ANKS1B: variants seen among roughly 807,000 people sequenced by gnomAD.
ANKS1B encodes ankyrin repeat and sterile alpha motif domain containing 1B, also known as ankyrin repeat and sterile alpha motif domain-containing protein 1B.
In ANKS1B, 36 loss-of-function variants were observed where a neutral mutation model predicts 148.3. That is an observed-to-expected ratio of 0.24 (90% confidence interval 0.19 to 0.32). ANKS1B has a LOEUF of 0.32. Ranked by LOEUF, ANKS1B falls within the 10% of genes least tolerant of loss-of-function variation. ANKS1B has a pLI of 1.00. For missense variants in ANKS1B, 1,157 were observed against 1,542.6 expected (o/e 0.75, Z 4.19); for synonymous variants, 542 against 560.8 (o/e 0.97, Z 0.47).
chr12:99,558,435 G>C (rs543129630), intron 9 of ANKS1B, among the ~76,000 whole-genome samples: 7 of 152,234 alleles, frequency 4.6e-5, no homozygotes, highest in African/African-American at 1.7e-4. Flanking sequence ...ACATGCACCA[G>C]TAAAGCAATG....
intron 12 of ANKS1B, among the ~76,000 whole-genome samples, chr12:99,272,181 A>G (rs2077121194): frequency 6.6e-6 from 1 of 152,112 alleles, no homozygotes; most frequent in Non-Finnish European, 1.5e-5. Flanking sequence ...TTCCAGTATG[A>G]TATTATTATG....
chr12:99,175,226 T>C (rs1352908558), intron 14 of ANKS1B, among the ~76,000 whole-genome samples: 1 of 152,210 alleles, frequency 6.6e-6, no homozygotes. Flanking sequence ...AATAACATCT[T>C]TAAGTTTCCA....
chr12:99,367,002 G>T (rs1288365128), intron 12 of ANKS1B, among the ~76,000 whole-genome samples: 2 of 152,116 alleles, frequency 1.3e-5, no homozygotes, highest in Non-Finnish European at 1.5e-5. Context: ...ATAATTCTTT[G>T]TTATGGGGGC....
chr12:98,766,561 C>A (rs2098483459), intron 25 of ANKS1B, among the ~76,000 whole-genome samples: 2 of 152,128 alleles, frequency 1.3e-5, no homozygotes, highest in Admixed American at 1.3e-4. Flanking sequence ...GTATCACAGT[C>A]AAATAGGTTG....
In ANKS1B at chr12:98,862,527, C is replaced by T. The variant is rs148336823; in HGVS notation, c.2779-30391G>A. On this transcript the variant is annotated intron_variant, in intron 17 of 26. Coordinates refer to ENST00000683438, the MANE Select transcript of ANKS1B (RefSeq NM_001352186.2). ...ATGTAATTGTTACTTACATGAGTAG[C>T]GGGGTCTCAGCTTCCCAACACACCA... is the stretch of plus-strand genomic sequence containing the variant. Among the ~76,000 whole-genome samples, 1,384 of 152,134 alleles carry T rather than the reference C, an allele frequency of 9.1e-3. 11 individuals carry two copies. Among genetic ancestry groups the T allele is most frequent in the Middle Eastern group, 0.014 (4 of 294 alleles).
intron 1 of ANKS1B, among the ~76,000 whole-genome samples, chr12:99,956,121 T>C (rs1368134216): frequency 1.3e-5 from 2 of 151,388 alleles, no homozygotes; most frequent in African/African-American, 2.4e-5. Context: ...CTACTAAAAA[T>C]ACAAAAATTG....
At chr12:99,060,653 TCACACACACACACACACACACACACA>T (rs35515489) in intron 16 of ANKS1B, among the ~76,000 whole-genome samples, 9 of 126,100 alleles carry the variant, frequency 7.1e-5, no homozygotes, top group South Asian at 2.8e-4. Context: ...TATATACACA[TCACACACACACACACACACACACACA>T]CACACACACA....
intron 8 of ANKS1B, among the ~76,000 whole-genome samples, chr12:99,759,595 G>A (rs1472376820): frequency 6.6e-6 from 1 of 151,954 alleles, no homozygotes; most frequent in African/African-American, 2.4e-5. Context: ...TCAGGCTCTC[G>A]CCTGATTTCC....
chr12:98,936,484 G>A (rs191909774), intron 17 of ANKS1B, among the ~76,000 whole-genome samples: 6 of 152,090 alleles, frequency 3.9e-5, no homozygotes, highest in African/African-American at 7.2e-5. Context: ...AAAATTAGCC[G>A]GGCGTGGTGG....
chr12:99,633,221 G>A (rs997825182), intron 9 of ANKS1B, among the ~76,000 whole-genome samples: 6 of 151,850 alleles, frequency 4.0e-5, no homozygotes, highest in Non-Finnish European at 7.4e-5. Flanking sequence ...ATAAACATAC[G>A]TGTGCATGTG....
chr12:98,735,013 T>A (rs1363673084), exon 10 of ANKS1B: 1 of 389,606 alleles, frequency 2.6e-6, no homozygotes, highest in African/African-American at 2.1e-5. Flanking sequence ...CTTGGGAGGC[T>A]AAGACAGGAG....
At chr12:98,786,195 T>C (rs1044731408) in intron 22 of ANKS1B, among the ~76,000 whole-genome samples, 5 of 152,230 alleles carry the variant, frequency 3.3e-5, no homozygotes, top group Admixed American at 2.0e-4. Flanking sequence ...AAGAGGATCA[T>C]ACTTTTATTT....
Position 99,108,698 on chromosome 12 carries a change from G to A in ANKS1B, c.2527-23675C>T, listed in dbSNP as rs529765940. On this transcript the variant is annotated intron_variant, in intron 15 of 26. Transcript: ENST00000683438. ...AAGAAGGTAGGTGACTAAAGAAATG[G>A]TTGCCGAGAAAAAGTATGAAACAGA... Among the ~76,000 whole-genome samples, 10 of 152,254 alleles carry A rather than the reference G, an allele frequency of 6.6e-5. No homozygotes were observed. The South Asian group carries it at 2.1e-3, about 32-fold the overall frequency.
At chr12:99,045,632 C>T (rs1159423707) in intron 17 of ANKS1B, among the ~76,000 whole-genome samples, 1 of 152,192 alleles carries the variant, frequency 6.6e-6, no homozygotes, top group African/African-American at 2.4e-5. Context: ...ACTCTTGCTT[C>T]TGGCCAAGAT....
At chr12:99,243,626 C>T (rs1024890394) in intron 14 of ANKS1B, among the ~76,000 whole-genome samples, 5 of 152,156 alleles carry the variant, frequency 3.3e-5, no homozygotes, top group Non-Finnish European at 7.3e-5. Context: ...TGGAACCAAC[C>T]CAAATGTCCA....
At chr12:99,938,175 C>T (rs2094827952) in intron 1 of ANKS1B, among the ~76,000 whole-genome samples, 1 of 152,164 alleles carries the variant, frequency 6.6e-6, no homozygotes, top group African/African-American at 2.4e-5. Context: ...GAGTCTCTGT[C>T]TTTTACCGGC....
intron 10 of ANKS1B, among the ~76,000 whole-genome samples, chr12:99,470,487 T>G (rs1031792253): frequency 9.2e-5 from 14 of 152,148 alleles, no homozygotes; most frequent in African/African-American, 3.4e-4. Context: ...TCATGTAACA[T>G]TTTGACTTTT....
chr12:99,521,691 T>C (rs1227112555), intron 9 of ANKS1B, among the ~76,000 whole-genome samples: 2 of 152,134 alleles, frequency 1.3e-5, no homozygotes, highest in Non-Finnish European at 2.9e-5. Context: ...TTCCTTACTT[T>C]CTCCTAAACA....
At chr12:99,331,625 G>T (rs1337968988) in intron 12 of ANKS1B, among the ~76,000 whole-genome samples, 1 of 151,992 alleles carries the variant, frequency 6.6e-6, no homozygotes, top group African/African-American at 2.4e-5. Context: ...CATCAGCAGG[G>T]AAATTGGCCT....
Sources: allele counts gnomAD v4.1 joint callset (sites outside exome capture counted in the v4.1 genomes callset), GRCh38; gene constraint gnomAD v4.1.1; transcripts MANE v1.5; gene names NCBI Gene and HGNC (gene_info 2026-07-23, HGNC 2026-07-21).